TYR: variants seen among roughly 807,000 people sequenced by gnomAD.
The protein encoded by TYR is tyrosinase.
A neutral mutation model predicts 51.5 loss-of-function variants in TYR; 58 were observed. That is an observed-to-expected ratio of 1.13 (90% CI 0.91 to 1.40). The LOEUF (loss-of-function observed/expected upper bound fraction) is 1.40. Ranked by LOEUF, TYR falls within the 40% of genes most tolerant of loss-of-function variation. The probability of loss-of-function intolerance (pLI) is 0.00; values close to 1 mark genes in which losing one functional copy is unlikely to be tolerated. For missense variants in TYR, 732 were observed against 647.4 expected, an observed-to-expected ratio of 1.13 and a Z score of -1.42; for synonymous variants, 263 against 235.2, an observed-to-expected ratio of 1.12 and a Z score of -1.08.
chr11:89,238,657 C>A (rs1944153060), intron 3 of TYR, among the ~76,000 whole-genome samples: 1 of 152,076 alleles, frequency 6.6e-6, no homozygotes, highest in African/African-American at 2.4e-5. Flanking sequence ...GTATCCTTGT[C>A]TTCTTCCTGA....
intron 3 of TYR, among the ~76,000 whole-genome samples, chr11:89,254,003 A>G (rs867434604): frequency 1.6e-4 from 24 of 151,782 alleles, no homozygotes; most frequent in South Asian, 8.3e-4. Context: ...TGTCTCTTGT[A>G]TGCCAATTTT....
intron 3 of TYR, among the ~76,000 whole-genome samples, chr11:89,274,361 A>T (rs745911942): frequency 6.6e-6 from 1 of 151,944 alleles, no homozygotes; most frequent in Non-Finnish European, 1.5e-5. Context: ...TTGAAAGAAA[A>T]GCAGGGTCTA....
intron 3 of TYR, among the ~76,000 whole-genome samples, chr11:89,279,058 G>T (rs756470909): frequency 6.6e-6 from 1 of 151,532 alleles, no homozygotes; most frequent in Non-Finnish European, 1.5e-5. Flanking sequence ...TCATATCAAA[G>T]GTGTAGAGGG....
At chr11:89,200,337 A>T (rs542907774) in intron 2 of TYR, 1 of 152,216 alleles carries the variant, frequency 6.6e-6, no homozygotes, top group Non-Finnish European at 1.5e-5. Flanking sequence ...TTAGCCTCCC[A>T]AAATGCTGGG....
At chr11:89,199,478 GGAAAGAGA>G (rs1180449659) in intron 2 of TYR, among the ~76,000 whole-genome samples, 1 of 152,128 alleles carries the variant, frequency 6.6e-6, no homozygotes, top group Non-Finnish European at 1.5e-5. Flanking sequence ...AAGATTCACT[GGAAAGAGA>G]GAAAGAGAGA....
chr11:89,241,438 C>G (rs1312481595), intron 3 of TYR, among the ~76,000 whole-genome samples: 1 of 151,980 alleles, frequency 6.6e-6, no homozygotes, highest in African/African-American at 2.4e-5. Context: ...TTGCTAGGAC[C>G]TAACAAAATG....
rs770147161 is a variant in TYR at position 89,295,380 on chromosome 11, T to C, written c.*14T>C. ...AGCCATTTATAAAAGGCTTAGGCAA[T>C]AGAGTAGGGCCAAAAAGCCTGACCT... On this transcript the variant is annotated 3_prime_UTR_variant, in exon 5 of 5. Coordinates refer to ENST00000263321, the MANE Select transcript of TYR (RefSeq NM_000372.5). The C allele has an allele frequency of 7.1e-6, 11 of 1,557,540 alleles. No individual in the cohort carries two copies. The highest frequency in any genetic ancestry group is 6.8e-5 in the South Asian group (6 of 88,510).
chr11:89,193,569 G>A lies in TYR; in HGVS notation c.1036+2151G>A, dbSNP rs148102678. 5.7e-3 allele frequency among the ~76,000 whole-genome samples: 866 copies of A among 152,116 alleles called. 6 individuals carry two copies. The highest frequency in any genetic ancestry group is 0.015 in the African/African-American group (619 of 41,506). ...CATATTGTCTGGCACACAGTCGTTCGGTAAGTATCTGATAACCGAGTATGT... is the reference window on the plus strand; with the variant it reads ...CATATTGTCTGGCACACAGTCGTTCAGTAAGTATCTGATAACCGAGTATGT... On this transcript the variant is annotated intron_variant, in intron 2 of 4. Coordinates refer to ENST00000263321, the MANE Select transcript of TYR (RefSeq NM_000372.5).
At chr11:89,258,343 T>A (rs1944419346) in intron 3 of TYR, among the ~76,000 whole-genome samples, 1 of 151,986 alleles carries the variant, frequency 6.6e-6, no homozygotes, top group African/African-American at 2.4e-5. Context: ...AAATTGATTT[T>A]TTTTTTGCTA....
At chr11:89,219,581 G>T (rs1462571947) in intron 2 of TYR, among the ~76,000 whole-genome samples, 1 of 152,102 alleles carries the variant, frequency 6.6e-6, no homozygotes, top group African/African-American at 2.4e-5. Context: ...GACCCACTGT[G>T]CCCGGCCTGA....
intron 3 of TYR, among the ~76,000 whole-genome samples, chr11:89,245,926 A>T (rs1282170434): frequency 1.4e-5 from 2 of 144,146 alleles, no homozygotes; most frequent in East Asian, 3.9e-4. Context: ...ATCTCAAAAA[A>T]AAAAAACAAA....
chr11:89,253,896 T>C (rs1164270084), intron 3 of TYR, among the ~76,000 whole-genome samples: 2 of 151,876 alleles, frequency 1.3e-5, no homozygotes, highest in African/African-American at 2.4e-5. Flanking sequence ...CATCTTTGTC[T>C]TGTTCCAGTT....
chr11:89,292,053 T>G (rs781544601), intron 4 of TYR, among the ~76,000 whole-genome samples: 1 of 152,046 alleles, frequency 6.6e-6, no homozygotes, highest in Non-Finnish European at 1.5e-5. Context: ...TTTTTTCATT[T>G]TAAAGCACCC....
intron 2 of TYR, among the ~76,000 whole-genome samples, chr11:89,227,352 T>C (rs1424960755): frequency 6.6e-6 from 1 of 152,150 alleles, no homozygotes; most frequent in African/African-American, 2.4e-5. Flanking sequence ...AATTGAAATG[T>C]GAAGAGTCAC....
intron 3 of TYR, among the ~76,000 whole-genome samples, chr11:89,256,523 C>A (rs1944393825): frequency 6.6e-6 from 1 of 151,182 alleles, no homozygotes; most frequent in Admixed American, 6.6e-5. Flanking sequence ...AGTCAAGATT[C>A]AATGAGAAAA....
intron 3 of TYR, among the ~76,000 whole-genome samples, chr11:89,264,441 A>T (rs1416770503): frequency 6.6e-6 from 1 of 151,870 alleles, no homozygotes; most frequent in Non-Finnish European, 1.5e-5. Context: ...AACTAATGTC[A>T]TGGGAGTTTG....
intron 3 of TYR, among the ~76,000 whole-genome samples, chr11:89,235,179 C>T (rs1194340596): frequency 1.3e-5 from 2 of 152,052 alleles, no homozygotes; most frequent in African/African-American, 4.8e-5. Flanking sequence ...AGATAAAAGA[C>T]AAATGTTGGA....
Position 89,178,541 on chromosome 11 carries a change from A to G in TYR, c.588A>G (p.Arg196=), listed in dbSNP as rs1943258730. 1 of 1,614,106 alleles carries G rather than the reference A, an allele frequency of 6.2e-7. No homozygotes were observed. The highest frequency in any genetic ancestry group is 1.7e-5 in the Admixed American group (1 of 60,022). Residue 196 remains arginine, a synonymous_variant, in exon 1 of 5, where the codon AGA becomes AGG. Coordinates refer to ENST00000263321, the MANE Select transcript of TYR (RefSeq NM_000372.5). Reference sequence around the variant, plus strand: ...TGCTTGGGGGATCTGAAATCTGGAGAGACATTGATTTTGCCCATGAAGCAC... The same window carrying G: ...TGCTTGGGGGATCTGAAATCTGGAGGGACATTGATTTTGCCCATGAAGCAC... The part of the protein sequence containing the change: ...DALLGGSEIW[R]DIDFAHEAPA...
At chr11:89,190,456 G>A (rs971793532) in intron 1 of TYR, among the ~76,000 whole-genome samples, 6 of 152,004 alleles carry the variant, frequency 3.9e-5, no homozygotes, top group Non-Finnish European at 7.4e-5. Flanking sequence ...AAATTAAATA[G>A]CATAAAGCTT....
Sources: gnomAD v4.1 joint callset for allele counts (sites outside exome capture counted in the v4.1 genomes callset) on GRCh38, gnomAD v4.1.1 for gene constraint, MANE v1.5 for transcripts, NCBI Gene and HGNC (gene_info 2026-07-23, HGNC 2026-07-21) for gene names.